The following EPHA5 variants were observed in gnomAD, a reference collection of about 807,000 sequenced individuals.
EPHA5 encodes EPH receptor A5, also known as ephrin type-A receptor 5.
EPHA5 carries 60 observed loss-of-function variants against 105.0 expected under a neutral mutation model. The ratio of observed to expected loss-of-function variants is 0.57; its 90% CI spans 0.46 to 0.71. EPHA5 has a LOEUF of 0.71. Among genes scored for constraint, EPHA5 ranks in the 30% least tolerant of loss-of-function variants. The pLI, the probability that EPHA5 is intolerant of heterozygous loss-of-function variation, is 0.00. For missense variants in EPHA5, 1,218 were observed against 1,274.7 expected, an observed-to-expected ratio of 0.96 and a Z score of 0.68; for synonymous variants, 513 against 449.1, an observed-to-expected ratio of 1.14 and a Z score of -1.80.
chr4:65,576,034 GAAAGAAAGAAAGAAAGAAAGAAA>G (rs1216103792), intron 3 of EPHA5, among the ~76,000 whole-genome samples: 7 of 72,958 alleles, frequency 9.6e-5, no homozygotes, highest in African/African-American at 3.1e-4. Flanking sequence ...AAGAAAGAAA[GAAAGAAAGAAAGAAAGAAAGAAA>G]GAAAAGAAAA....
chr4:65,340,430 AC>A (rs1323384411), intron 14 of EPHA5, among the ~76,000 whole-genome samples: 1 of 152,144 alleles, frequency 6.6e-6, no homozygotes, highest in Non-Finnish European at 1.5e-5. Context: ...GGCAAGGATA[AC>A]TGATACAGAG....
chr4:65,612,755 C>G (rs1039644219), intron 2 of EPHA5, among the ~76,000 whole-genome samples: 1 of 151,994 alleles, frequency 6.6e-6, no homozygotes, highest in Non-Finnish European at 1.5e-5. Flanking sequence ...TGTTTCTGTT[C>G]CTTGTAGATT....
intron 8 of EPHA5, among the ~76,000 whole-genome samples, chr4:65,391,015 G>A (rs941665075): frequency 6.6e-6 from 1 of 151,982 alleles, no homozygotes; most frequent in African/African-American, 2.4e-5. Context: ...TTGTGGAGGG[G>A]GAAGCAAGGG....
intron 11 of EPHA5, among the ~76,000 whole-genome samples, chr4:65,355,332 C>G (rs908898701): frequency 2.0e-5 from 3 of 151,550 alleles, no homozygotes; most frequent in African/African-American, 7.3e-5. Context: ...TTGTAAATGG[C>G]TCAAGAACAG....
At chr4:65,663,217 A>G (rs545060167) in intron 1 of EPHA5, among the ~76,000 whole-genome samples, 1 of 152,224 alleles carries the variant, frequency 6.6e-6, no homozygotes, top group South Asian at 2.1e-4. Flanking sequence ...CACTTTTTTA[A>G]AAGAGGTTTT....
chr4:65,492,353 C>T (rs142346993), intron 4 of EPHA5, among the ~76,000 whole-genome samples: 2,074 of 151,816 alleles, frequency 0.014, 16 homozygotes, highest in Non-Finnish European at 0.022. Context: ...AGGGGCCCAC[C>T]ACCACACCTG....
At chr4:65,347,415 A>C (rs1470165217) in intron 14 of EPHA5, among the ~76,000 whole-genome samples, 1 of 152,196 alleles carries the variant, frequency 6.6e-6, no homozygotes, top group Non-Finnish European at 1.5e-5. Context: ...GAAAATTACA[A>C]AGGGAAAGAT....
At chr4:65,400,146 C>G (rs1385225066) in intron 8 of EPHA5, among the ~76,000 whole-genome samples, 2 of 151,980 alleles carry the variant, frequency 1.3e-5, no homozygotes, top group African/African-American at 4.8e-5. Context: ...AAAGACTGGT[C>G]AATTAAACAT....
intron 2 of EPHA5, among the ~76,000 whole-genome samples, chr4:65,610,506 C>T (rs981306008): frequency 2.0e-5 from 3 of 150,556 alleles, no homozygotes; most frequent in Admixed American, 1.3e-4. Flanking sequence ...ACATGTGCCC[C>T]GAGAACCTAA....
At chr4:65,593,087 C>T (rs554148301) in intron 3 of EPHA5, among the ~76,000 whole-genome samples, 3 of 152,106 alleles carry the variant, frequency 2.0e-5, no homozygotes, top group Admixed American at 1.3e-4. Context: ...TTTGACTTTT[C>T]CTCTAATTTG....
intron 3 of EPHA5, chr4:65,573,358 C>T: frequency 1.7e-5 from 11 of 651,450 alleles, no homozygotes; most frequent in Non-Finnish European, 2.6e-5. Flanking sequence ...TTGCAATGAG[C>T]TGAGATTGCG....
rs527479067 is a variant in EPHA5, at chr4:65,662,672, A to G, written c.181+6890T>C. Reference sequence around the variant, plus strand: ...GGGTTTTATCTTCAGGGTCATAGTAAAACAAATGTAAAATTAGAATATGTG... The same window carrying G: ...GGGTTTTATCTTCAGGGTCATAGTAGAACAAATGTAAAATTAGAATATGTG... On this transcript the variant is annotated intron_variant, in intron 1 of 16. Transcript: ENST00000613740. 7.9e-5 allele frequency among the ~76,000 whole-genome samples: 12 copies of G among 152,260 alleles called. No homozygotes were observed. The South Asian group carries it at 2.5e-3, about 32-fold the overall frequency.
chr4:65,649,706 C>T (rs1167277529), intron 1 of EPHA5, among the ~76,000 whole-genome samples: 1 of 151,994 alleles, frequency 6.6e-6, no homozygotes, highest in African/African-American at 2.4e-5. Flanking sequence ...GGCTTCAATC[C>T]CCATTATTCT....
chr4:65,335,113 T>A (rs1344443692), intron 15 of EPHA5, among the ~76,000 whole-genome samples: 2 of 151,958 alleles, frequency 1.3e-5, no homozygotes, highest in Non-Finnish European at 2.9e-5. Flanking sequence ...TTGTTTCTCA[T>A]TTAGTCCATG....
chr4:65,428,594 C>T (rs1224629462), intron 5 of EPHA5, among the ~76,000 whole-genome samples: 1 of 151,972 alleles, frequency 6.6e-6, no homozygotes, highest in East Asian at 1.9e-4. Context: ...AAAACCTGGC[C>T]TTAAATGTCA....
At chr4:65,619,368 G>C (rs913173761) in intron 2 of EPHA5, among the ~76,000 whole-genome samples, 2 of 151,970 alleles carry the variant, frequency 1.3e-5, no homozygotes, top group African/African-American at 4.8e-5. Context: ...GTATATATAG[G>C]CATACACATA....
intron 12 of EPHA5, among the ~76,000 whole-genome samples, 156 bp downstream of exon 12, chr4:65,352,886 G>T (rs748745829): frequency 6.6e-6 from 1 of 151,140 alleles, no homozygotes; most frequent in Non-Finnish European, 1.5e-5. Context: ...TCATTTTGGA[G>T]TGTAATTATT....
At chr4:65,656,370 C>G (rs1478265189) in intron 1 of EPHA5, among the ~76,000 whole-genome samples, 1 of 151,300 alleles carries the variant, frequency 6.6e-6, no homozygotes, top group African/African-American at 2.4e-5. Context: ...AACTGTGTAA[C>G]TGAAAGCTTA....
At chr4:65,595,069 C>T (rs1168517479) in intron 3 of EPHA5, among the ~76,000 whole-genome samples, 1 of 151,524 alleles carries the variant, frequency 6.6e-6, no homozygotes, top group Non-Finnish European at 1.5e-5. Flanking sequence ...GCACTGGAAG[C>T]TCCCTCTGTT....
Sources: gnomAD v4.1 joint callset for allele counts (sites outside exome capture counted in the v4.1 genomes callset) on GRCh38, gnomAD v4.1.1 for gene constraint, MANE v1.5 for transcripts, NCBI Gene and HGNC (gene_info 2026-07-23, HGNC 2026-07-21) for gene names.